Variants in PRPF8 observed in about 807,000 individuals in gnomAD.
PRPF8 encodes the protein pre-mRNA-processing-splicing factor 8.
In PRPF8, 64 loss-of-function variants were observed where a neutral mutation model predicts 285.9. That is an observed-to-expected ratio of 0.22 (90% CI 0.18 to 0.28). The LOEUF is 0.28. Ranked by LOEUF, PRPF8 falls within the 10% of genes least tolerant of loss-of-function variation. PRPF8 has a pLI of 1.00. For synonymous variants in PRPF8, 1,325 were observed against 1,118.2 expected (o/e 1.18, Z -3.69); for missense variants, 1,426 against 3,026.7 (o/e 0.47, Z 12.41).
At chr17:1,657,969 TAAAA>T (rs58695090) in intron 34 of PRPF8, among the ~76,000 whole-genome samples, 2,130 of 94,000 alleles carry the variant, frequency 0.023, 30 homozygotes, top group Non-Finnish European at 0.035. Context: ...AGACTCCGGC[TAAAA>T]AAAAAAAAAA....
rs775519902 is a variant in PRPF8, at chr17:1,673,798, T to G, written c.3394A>C (p.Lys1132Gln). The G allele has an allele frequency of 1.6e-5, 26 of 1,613,930 alleles. No homozygotes were observed. Among genetic ancestry groups the G allele is most frequent in the Non-Finnish European group, 5.9e-6 (7 of 1,180,026 alleles). Reference protein sequence around the residue: ...NENIVGYNNKKCWPRDARMRL... With the variant: ...NENIVGYNNKQCWPRDARMRL... ...ATGCGGGCATCTCGGGGCCAGCACT[T>G]CTTGTTATTATAGCCAACGATGTTT... is the stretch of plus-strand genomic sequence containing the variant. The change falls in exon 22 of 43, where the codon AAG (lysine) becomes CAG (glutamine). Residue 1132 changes from lysine (K) to glutamine (Q), a missense_variant. Physicochemically the swap from Lys to Gln is moderately conservative, Grantham distance 53. This residue lies in a region of PRPF8 where 148 missense variants were observed against 196.2 expected (regional missense o/e 0.75). Transcript: ENST00000304992. The surrounding 1 kb of genome is among the most constrained non-coding windows in gnomAD (Gnocchi z 5.5).
At chr17:1,654,435 G>T (rs1054925385) in intron 37 of PRPF8, 6 of 341,116 alleles carry the variant, frequency 1.8e-5, no homozygotes, top group African/African-American at 1.1e-4. Context: ...TGTGTGTGTT[G>T]GCAGCAGTCT....
intron 24 of PRPF8, among the ~76,000 whole-genome samples, chr17:1,668,917 G>A (rs1226537943): frequency 2.0e-5 from 3 of 151,992 alleles, no homozygotes; most frequent in African/African-American, 7.3e-5. Flanking sequence ...AATTCACTAT[G>A]CACAACTCTT....
chr17:1,677,132 C>T lies in PRPF8; in HGVS notation c.2025G>A (p.Gln675=), dbSNP rs763955274. Residue 675 remains glutamine (Q), a synonymous_variant, in exon 15 of 43, where the codon CAG becomes CAA. Transcript: ENST00000304992. ...SKGVAKTVTK[Q]RVESHFDLEL... ...CAAGGTCAAAATGTGACTCCACTCG[C>T]TGCTTTGTTACTGTCTTTGCCACCC... 25 of 1,613,824 alleles carry T rather than the reference C, an allele frequency of 1.5e-5. No homozygotes were observed. Among genetic ancestry groups the T allele is most frequent in the Admixed American group, 6.7e-5 (4 of 59,990 alleles).
intron 24 of PRPF8, among the ~76,000 whole-genome samples, chr17:1,672,104 C>A (rs769940207): frequency 2.0e-5 from 3 of 152,068 alleles, no homozygotes; most frequent in African/African-American, 4.8e-5. Flanking sequence ...GAAACTCAAC[C>A]GTAATGCAAT....
At chr17:1,672,206 T>C (rs1912361439) in intron 24 of PRPF8, among the ~76,000 whole-genome samples, 1 of 152,154 alleles carries the variant, frequency 6.6e-6, no homozygotes, top group Non-Finnish European at 1.5e-5. Context: ...TTTAGAGATA[T>C]GAAGGTCGGA....
At chr17:1,652,271 C>T (rs770293363) in intron 39 of PRPF8, 7 of 287,938 alleles carry the variant, frequency 2.4e-5, no homozygotes, top group Non-Finnish European at 3.4e-5. Flanking sequence ...TGGAGTCTCA[C>T]TCTGTCAGCA....
At chr17:1,664,897 T>A (rs1911871841) in intron 24 of PRPF8, among the ~76,000 whole-genome samples, 2 of 151,808 alleles carry the variant, frequency 1.3e-5, no homozygotes, top group Non-Finnish European at 2.9e-5. Context: ...ATGGCTCATA[T>A]CTGTAAGCCC....
chr17:1,682,429 T>C (rs1912978956), intron 3 of PRPF8, 136 bp from the exon 4 acceptor site: 2 of 1,105,698 alleles, frequency 1.8e-6, no homozygotes, highest in Admixed American at 2.0e-5. Context: ...CCACAGGCCC[T>C]TCCTAACCAG....
At position 1,673,860 on chromosome 17, in the gene PRPF8, T is replaced by A; in HGVS notation, c.3332A>T (p.Gln1111Leu). The A allele has an allele frequency of 1.2e-6, 2 of 1,613,948 alleles. No homozygotes were observed. The highest frequency in any genetic ancestry group is 1.7e-6 in the Non-Finnish European group (2 of 1,180,006). The change falls in exon 22 of 43, where the codon CAA becomes CTA. Residue 1111 changes from glutamine to leucine, a missense_variant. Gln to Leu is a moderately radical substitution (Grantham distance 113). Transcript: ENST00000304992. This position sits in a 1 kb window ranked among gnomAD's most constrained non-coding sequence, Gnocchi z 5.5. ...FTADEARDLI[Q>L]RYLTEHPDPN... ...GTCAGGGTGCTCTGTCAGGTAACGT[T>A]GAATCAGGTCCCGAGCCTCATCTGC...
At chr17:1,683,265 G>A (rs1913037507) in intron 3 of PRPF8, 1 of 486,056 alleles carries the variant, frequency 2.1e-6, no homozygotes. Flanking sequence ...AAAGTGCTGG[G>A]ATTACAGGCA....
At position 1,658,703 on chromosome 17, in the gene PRPF8, G is replaced by A. The variant is rs762614753; in HGVS notation, c.5199C>T (p.Ile1733=). The change falls in exon 33 of 43, where the codon ATC becomes ATT. Residue 1733 remains isoleucine (I), a synonymous_variant. Transcript: ENST00000304992. This position sits in a 1 kb window ranked among gnomAD's most constrained non-coding sequence, Gnocchi z 4.1. The part of the protein sequence containing the change: ...KPLIQQAMAK[I]MKANPALYVL... ...CATACAGGGCAGGGTTTGCCTTCAT[G>A]ATCTTGGCCATGGCCTGTTGTATGA... 1.2e-6 allele frequency: 2 copies of A among 1,614,254 alleles called. No homozygotes were observed. Among genetic ancestry groups the A allele is most frequent in the Non-Finnish European group, 1.7e-6 (2 of 1,180,048 alleles).
intron 21 of PRPF8, among the ~76,000 whole-genome samples, 198 bp downstream of exon 21, chr17:1,674,244 G>A (rs1024722738): frequency 1.3e-5 from 2 of 152,066 alleles, no homozygotes; most frequent in South Asian, 2.1e-4. Flanking sequence ...GGATGGTCTC[G>A]ATCTCCTGAC....
At chr17:1,681,770 C>T in intron 5 of PRPF8, 50 bp downstream of exon 5, 1 of 1,611,288 alleles carries the variant, frequency 6.2e-7, no homozygotes, top group Non-Finnish European at 8.5e-7. Context: ...AGGACTCCTT[C>T]TGCATTTCCA....
chr17:1,681,195 C>T, intron 6 of PRPF8, 141 bp from the exon 7 acceptor site: 1 of 969,782 alleles, frequency 1.0e-6, no homozygotes, highest in Non-Finnish European at 1.6e-6. Flanking sequence ...CCTCCCACAG[C>T]TCAGCTTCCC....
rs1270490876 is a variant in PRPF8 at position 1,651,467 on chromosome 17, G to C, written c.6597C>G (p.Ile2199Met). The change falls in exon 41 of 43, where the codon ATC becomes ATG. Residue 2199 changes from isoleucine to methionine, a missense_variant. By Grantham distance (10) the Ile-to-Met change is conservative (BLOSUM62 1). This residue lies in a region of PRPF8 where 160 missense variants were observed against 373.7 expected (regional missense o/e 0.43). Transcript: ENST00000304992. The surrounding 1 kb of genome is among the most constrained non-coding windows in gnomAD (Gnocchi z 5.1). ...CATCCCAAGATGGGTTGTCAGCCATGATCTTGGCATGGGTGGTGACATCCT... is the reference window on the plus strand; with the variant it reads ...CATCCCAAGATGGGTTGTCAGCCATCATCTTGGCATGGGTGGTGACATCCT... Reference protein sequence around the residue: ...SPQDVTTHAKIMADNPSWDGE... With the variant: ...SPQDVTTHAKMMADNPSWDGE... 6.2e-7 allele frequency: 1 copy of C among 1,614,062 alleles called. No homozygotes were observed. Among genetic ancestry groups the C allele is most frequent in the Admixed American group, 1.7e-5 (1 of 60,012 alleles).
intron 24 of PRPF8, among the ~76,000 whole-genome samples, chr17:1,665,159 C>CCAAAA (rs773582558): frequency 5.6e-5 from 3 of 53,510 alleles, no homozygotes; most frequent in African/African-American, 1.8e-4. Flanking sequence ...GACTCTGCCT[C>CCAAAA]AAAAAAAAAA....
Position 1,677,974 on chromosome 17 carries a change from G to C in PRPF8, c.1855-280C>G, listed in dbSNP as rs1445475367. 2.6e-5 allele frequency among the ~76,000 whole-genome samples: 4 copies of C among 152,084 alleles called. No homozygotes were observed. In the East Asian group the frequency reaches 7.7e-4, roughly 29 times the overall value. On this transcript the variant is annotated intron_variant, in intron 13 of 42. Coordinates refer to ENST00000304992, the MANE Select transcript of PRPF8 (RefSeq NM_006445.4). ...TAGCTGCTCTCCAAATAGGTCCCTGGAAAGAGCCCTGTCTAAATGTATACA... is the reference window on the plus strand; with the variant it reads ...TAGCTGCTCTCCAAATAGGTCCCTGCAAAGAGCCCTGTCTAAATGTATACA...
rs1216461707 is a variant in PRPF8, at chr17:1,680,926, T to C, written c.992+3A>G. ...TCCAAATGTTGTGTTCCAGGTCTCT[T>C]ACCAGGTGAGGTGGACATGGTGTGG... is the stretch of plus-strand genomic sequence containing the variant. On this transcript the variant is annotated splice_donor_region_variant and intron_variant, in intron 7 of 42. Coordinates refer to ENST00000304992, the MANE Select transcript of PRPF8 (RefSeq NM_006445.4). 6.2e-7 allele frequency: 1 copy of C among 1,614,188 alleles called. No homozygotes were observed. The highest frequency in any genetic ancestry group is 8.5e-7 in the Non-Finnish European group (1 of 1,180,034).
Sources: allele counts gnomAD v4.1 joint callset (sites outside exome capture counted in the v4.1 genomes callset), GRCh38; gene constraint gnomAD v4.1.1; regional missense constraint gnomAD v4.1.1; non-coding constraint Gnocchi (gnomAD v3.1); transcripts MANE v1.5; gene names NCBI Gene and HGNC (gene_info 2026-07-23, HGNC 2026-07-21).